Variants in RAF1 observed in about 807,000 individuals in gnomAD.
RAF1 encodes the protein RAF proto-oncogene serine/threonine-protein kinase.
In RAF1, 27 loss-of-function variants were observed where a neutral mutation model predicts 81.1. The ratio of observed to expected loss-of-function variants is 0.33; its 90% CI spans 0.25 to 0.46. The LOEUF (loss-of-function observed/expected upper bound fraction) is 0.46, where lower values mean the gene tolerates loss of function less well. Among genes scored for constraint, RAF1 ranks in the 20% least tolerant of loss-of-function variants. RAF1 has a pLI of 1.00. For missense variants in RAF1, 598 were observed against 826.0 expected (o/e 0.72, Z 3.38); for synonymous variants, 298 against 294.0 (o/e 1.01, Z -0.14).
At chr3:12,608,387 G>T in intron 5 of RAF1, 1 of 186,132 alleles carries the variant, frequency 5.4e-6, no homozygotes, top group Non-Finnish European at 1.1e-5. Context: ...CAATGTCAAA[G>T]GCTCATTCAG....
At chr3:12,598,785 T>TATTTTC (rs2058770961) in intron 11 of RAF1, among the ~76,000 whole-genome samples, 1 of 146,302 alleles carries the variant, frequency 6.8e-6, no homozygotes, top group Non-Finnish European at 1.5e-5. Context: ...AGGTGTTTGA[T>TATTTTC]ATTTTCAGTA....
At chr3:12,639,215 C>T (rs2060114627) in intron 1 of RAF1, among the ~76,000 whole-genome samples, 1 of 152,092 alleles carries the variant, frequency 6.6e-6, no homozygotes, top group African/African-American at 2.4e-5. Context: ...ATTGATGGGA[C>T]GTATCTCAAA....
intron 1 of RAF1, among the ~76,000 whole-genome samples, chr3:12,661,245 T>C (rs1051745594): frequency 4.6e-5 from 7 of 152,222 alleles, no homozygotes; most frequent in African/African-American, 7.2e-5. Context: ...ATTATGTTTA[T>C]GGGGATAAAG....
chr3:12,600,805 T>C (rs1011348965), intron 8 of RAF1, among the ~76,000 whole-genome samples: 1 of 152,192 alleles, frequency 6.6e-6, no homozygotes, highest in African/African-American at 2.4e-5. Flanking sequence ...GAGGTGATCC[T>C]CTCGCCTCGG....
chr3:12,634,780 G>GC (rs549379985), intron 1 of RAF1, among the ~76,000 whole-genome samples: 19 of 152,228 alleles, frequency 1.2e-4, no homozygotes, highest in African/African-American at 3.6e-4. Flanking sequence ...TTCAAAGTTA[G>GC]CCCCTTTAAG....
chr3:12,654,463 G>A (rs931202335), intron 1 of RAF1, among the ~76,000 whole-genome samples: 1 of 151,772 alleles, frequency 6.6e-6, no homozygotes, highest in Non-Finnish European at 1.5e-5. Context: ...TTAGCTGAGT[G>A]TGGTGGCACA....
intron 1 of RAF1, among the ~76,000 whole-genome samples, chr3:12,640,446 AG>A (rs66659845): frequency 0.12 from 18,513 of 152,226 alleles, 1,355 homozygotes; most frequent in Admixed American, 0.2. Context: ...ACAGAATGGG[AG>A]AAAATTTTTG....
chr3:12,636,522 C>G (rs2060037761), intron 1 of RAF1, among the ~76,000 whole-genome samples: 1 of 150,070 alleles, frequency 6.7e-6, no homozygotes, highest in African/African-American at 2.4e-5. Flanking sequence ...ATTTGCTACA[C>G]TGGCTAGGTG....
chr3:12,620,535 A>AT (rs1374735425), intron 1 of RAF1, among the ~76,000 whole-genome samples: 2 of 152,060 alleles, frequency 1.3e-5, no homozygotes, highest in Non-Finnish European at 2.9e-5. Context: ...CAGTGACATG[A>AT]TCACAGCTCA....
chr3:12,642,719 C>CACACACACAAAAAA (rs1491570753), intron 1 of RAF1, among the ~76,000 whole-genome samples: 2 of 141,480 alleles, frequency 1.4e-5, no homozygotes, highest in South Asian at 2.2e-4. Flanking sequence ...CACACACACA[C>CACACACACAAAAAA]AAAATAGCTG....
chr3:12,619,541 G>A (rs1418854633), intron 1 of RAF1, among the ~76,000 whole-genome samples: 1 of 151,006 alleles, frequency 6.6e-6, no homozygotes, highest in Non-Finnish European at 1.5e-5. Flanking sequence ...CTCCAGGCTG[G>A]GGGACAAGAG....
intron 5 of RAF1, among the ~76,000 whole-genome samples, chr3:12,606,771 G>A (rs2059045338): frequency 6.6e-6 from 1 of 152,070 alleles, no homozygotes; most frequent in Admixed American, 6.6e-5. Flanking sequence ...TTGTTACATA[G>A]GTATACATGT....
intron 1 of RAF1, among the ~76,000 whole-genome samples, chr3:12,660,896 C>T (rs1030776705): frequency 6.6e-6 from 1 of 152,092 alleles, no homozygotes; most frequent in African/African-American, 2.4e-5. Context: ...AATGCTTAAA[C>T]CCAGGAGGCA....
intron 1 of RAF1, among the ~76,000 whole-genome samples, chr3:12,644,826 G>C (rs901320590): frequency 1.3e-5 from 2 of 152,044 alleles, no homozygotes; most frequent in Non-Finnish European, 2.9e-5. Context: ...GCGGCCAGGC[G>C]TGGTGGCTCA....
At chr3:12,647,228 G>A (rs577560080) in intron 1 of RAF1, among the ~76,000 whole-genome samples, 47 of 150,898 alleles carry the variant, frequency 3.1e-4, no homozygotes, top group Middle Eastern at 3.5e-3. Context: ...CCCAGGAGGC[G>A]AAGGCTGCAG....
intron 11 of RAF1, among the ~76,000 whole-genome samples, chr3:12,597,797 C>T (rs2058731172): frequency 1.3e-5 from 2 of 151,848 alleles, no homozygotes; most frequent in South Asian, 4.2e-4. Flanking sequence ...TGCCTGTAGT[C>T]CTAGCTACTT....
At chr3:12,614,460 T>TCTTG (rs921486400) in intron 2 of RAF1, among the ~76,000 whole-genome samples, 1 of 151,882 alleles carries the variant, frequency 6.6e-6, no homozygotes, top group Non-Finnish European at 1.5e-5. Flanking sequence ...TGAGACAGAA[T>TCTTG]CTTGCTCTGT....
chr3:12,590,671 G>A, intron 13 of RAF1, 127 bp downstream of exon 12: 5 of 1,138,366 alleles, frequency 4.4e-6, no homozygotes, highest in South Asian at 1.3e-5. Context: ...TCCAGCCCAG[G>A]CCAGAGGCTT....
At chr3:12,592,606 C>CA (rs2058551255) in intron 11 of RAF1, among the ~76,000 whole-genome samples, 1 of 152,084 alleles carries the variant, frequency 6.6e-6, no homozygotes, top group African/African-American at 2.4e-5. Flanking sequence ...AGTCTGACTC[C>CA]AATTGCTATT....
Sources: allele counts gnomAD v4.1 joint callset (sites outside exome capture counted in the v4.1 genomes callset), GRCh38; gene constraint gnomAD v4.1.1; transcripts MANE v1.5; gene names NCBI Gene and HGNC (gene_info 2026-07-23, HGNC 2026-07-21).